Variants in MSH3 observed in about 807,000 individuals in gnomAD.
MSH3 encodes mutS homolog 3, also known as DNA mismatch repair protein Msh3.
Under a neutral mutation model 123.3 loss-of-function variants are expected in MSH3, and 106 were observed. The observed-to-expected ratio is 0.86, with a 90% CI of 0.73 to 1.01. The LOEUF (loss-of-function observed/expected upper bound fraction) is 1.01, where lower values mean the gene tolerates loss of function less well. Among genes scored for constraint, MSH3 ranks in the 50% least tolerant of loss-of-function variants. MSH3 has a pLI of 0.00. For synonymous variants in MSH3, 515 were observed against 481.4 expected, an observed-to-expected ratio of 1.07 and a Z score of -0.91; for missense variants, 1,459 against 1,347.6, an observed-to-expected ratio of 1.08 and a Z score of -1.29.
At chr5:80,770,082 G>T (rs1744191125) in intron 15 of MSH3, among the ~76,000 whole-genome samples, 1 of 152,026 alleles carries the variant, frequency 6.6e-6, no homozygotes, top group African/African-American at 2.4e-5. Context: ...TATGTTTATT[G>T]TCTGAACAGA....
chr5:80,716,987 A>G (rs1313237564), intron 8 of MSH3, among the ~76,000 whole-genome samples: 1 of 152,082 alleles, frequency 6.6e-6, no homozygotes, highest in African/African-American at 2.4e-5. Flanking sequence ...GGCTTATTTT[A>G]CCTAACATAA....
chr5:80,746,208 A>G (rs1332569513), intron 12 of MSH3: 1 of 229,492 alleles, frequency 4.4e-6, no homozygotes, highest in East Asian at 1.4e-4. Context: ...CACTGAGGAC[A>G]ATATTCTGCT....
intron 8 of MSH3, among the ~76,000 whole-genome samples, chr5:80,701,258 T>G (rs1033643006): frequency 1.1e-4 from 17 of 152,154 alleles, no homozygotes; most frequent in African/African-American, 4.1e-4. Context: ...AAGGGAAAGA[T>G]TGAGTCCCAT....
chr5:80,760,843 T>C (rs1488955862), intron 12 of MSH3, among the ~76,000 whole-genome samples: 1 of 152,164 alleles, frequency 6.6e-6, no homozygotes, highest in Admixed American at 6.5e-5. Flanking sequence ...GAAGTTTTTA[T>C]GGGCCAGGGC....
Position 80,688,074 on chromosome 5 carries a change from T to C in MSH3, c.1340+8981T>C, listed in dbSNP as rs6151672. ...ATTTTTTACATTATTGACTCTGTTA[T>C]AGTTTACTGAAACTGTATGACATTC... On this transcript the variant is annotated intron_variant, in intron 8 of 23. Coordinates refer to ENST00000265081, the MANE Select transcript of MSH3 (RefSeq NM_002439.5). Among the ~76,000 whole-genome samples, 476 of 152,334 alleles carry C rather than the reference T, an allele frequency of 3.1e-3. 2 individuals carry two copies. Among genetic ancestry groups the C allele is most frequent in the Non-Finnish European group, 5.6e-3 (378 of 68,032 alleles).
rs1405024198 is a variant in MSH3 at position 80,654,971 on chromosome 5, T to G, written c.237+7T>G. The G allele has an allele frequency of 3.4e-6, 5 of 1,454,276 alleles. No individual in the cohort carries two copies. In the Admixed American group the frequency reaches 8.2e-5, roughly 24 times the overall value. The allele number at this position is 1,454,276 out of a possible 1,614,324, so 90.1% of individuals were successfully genotyped here. A position where few individuals can be genotyped will look rare whatever the true frequency, so the allele number is the denominator to read the frequency against. On this transcript the variant is annotated splice_region_variant and intron_variant, in intron 1 of 23. Coordinates refer to ENST00000265081, the MANE Select transcript of MSH3 (RefSeq NM_002439.5). ...CCAGCTGCCGCCGCACATAGTAGGT[T>G]CTGTCTGGGACTGGGCAGGGCCATC...
At position 80,766,634 on chromosome 5, in the gene MSH3, C is replaced by T. The variant is rs183136298; in HGVS notation, c.1897-1299C>T. Among the ~76,000 whole-genome samples, 18 of 152,110 alleles carry T rather than the reference C, an allele frequency of 1.2e-4. No homozygotes were observed. The East Asian group carries it at 2.9e-3, about 24-fold the overall frequency. On this transcript the variant is annotated intron_variant, in intron 13 of 23. Coordinates refer to ENST00000265081, the MANE Select transcript of MSH3 (RefSeq NM_002439.5). ...CTGGGATTACAGGCGTGAGTCACTG[C>T]GTCTGGCTGGTTTTATGCCGTTTTA...
intron 8 of MSH3, among the ~76,000 whole-genome samples, chr5:80,695,336 A>G (rs1322812428): frequency 6.8e-6 from 1 of 148,042 alleles, no homozygotes; most frequent in South Asian, 2.1e-4. Flanking sequence ...ATTTTTGTTC[A>G]TTTTTTCTTT....
intron 20 of MSH3, among the ~76,000 whole-genome samples, chr5:80,819,960 A>G (rs1745176982): frequency 6.6e-6 from 1 of 152,222 alleles, no homozygotes; most frequent in South Asian, 2.1e-4. Context: ...AAGTGCAGTA[A>G]GGGAGATGGA....
intron 8 of MSH3, among the ~76,000 whole-genome samples, chr5:80,721,179 T>C (rs559459538): frequency 6.6e-6 from 1 of 152,370 alleles, no homozygotes; most frequent in South Asian, 2.1e-4. Flanking sequence ...TTCATTTTGC[T>C]GCATATTGTC....
At chr5:80,667,570 G>A (rs991332764) in intron 3 of MSH3, among the ~76,000 whole-genome samples, 1 of 152,216 alleles carries the variant, frequency 6.6e-6, no homozygotes, top group African/African-American at 2.4e-5. Context: ...AGCCAGGAGT[G>A]GAGTGGTGAG....
chr5:80,869,551 A>T (rs1746167530), intron 22 of MSH3, among the ~76,000 whole-genome samples: 1 of 152,002 alleles, frequency 6.6e-6, no homozygotes, highest in South Asian at 2.1e-4. Context: ...CCCCCAGGCG[A>T]TTATAGAAGA....
At position 80,792,743 on chromosome 5, in the gene MSH3, C is replaced by T; in HGVS notation, c.2554C>T (p.Gln852Ter). ...KQGDYCRPTVQEERKIVIKNG... is the reference protein window; with the variant it reads ...KQGDYCRPTV ...ATTTCTTTTTTGCAGACCAACTGTA[C>T]AAGAAGAAAGAAAAATTGTAATAAA... The change falls in exon 19 of 24, where the codon CAA becomes TAA. Residue 852 changes from glutamine to a stop codon, truncating the protein, a stop_gained. Transcript: ENST00000265081. LOFTEE classifies it high-confidence loss of function. The T allele has an allele frequency of 6.2e-7, 1 of 1,607,526 alleles. No homozygotes were observed.
intron 8 of MSH3, among the ~76,000 whole-genome samples, chr5:80,693,720 C>T (rs1048611126): frequency 1.3e-5 from 2 of 152,002 alleles, no homozygotes; most frequent in Non-Finnish European, 2.9e-5. Context: ...TGCAGTAGCA[C>T]AATCTTGGCC....
At chr5:80,668,853 T>C (rs951660265) in intron 3 of MSH3, among the ~76,000 whole-genome samples, 3 of 152,180 alleles carry the variant, frequency 2.0e-5, no homozygotes, top group Non-Finnish European at 2.9e-5. Context: ...GCCACAGCTG[T>C]GCCCAGGGAG....
intron 12 of MSH3, among the ~76,000 whole-genome samples, chr5:80,760,412 A>AC (rs1287264036): frequency 6.6e-6 from 1 of 152,172 alleles, no homozygotes; most frequent in African/African-American, 2.4e-5. Context: ...TTGAGTCATC[A>AC]CTTAAGGTGT....
At chr5:80,757,380 C>T (rs1209538737) in intron 12 of MSH3, among the ~76,000 whole-genome samples, 1 of 152,094 alleles carries the variant, frequency 6.6e-6, no homozygotes, top group Non-Finnish European at 1.5e-5. Context: ...GGCATTTTCA[C>T]AGTAGCAACC....
rs575849917 is a variant in MSH3 at position 80,659,813 on chromosome 5, G to A, written c.358+3282G>A. ...TAACCCCCTTCCCCCAGCCCCTGGC[G>A]CCTACCATTCAGCTTTCTGTCTCTA... On this transcript the variant is annotated intron_variant, in intron 2 of 23. Coordinates refer to ENST00000265081, the MANE Select transcript of MSH3 (RefSeq NM_002439.5). 2.2e-4 allele frequency among the ~76,000 whole-genome samples: 33 copies of A among 152,098 alleles called. No individual in the cohort carries two copies. In the East Asian group the frequency reaches 2.9e-3, roughly 13 times the overall value.
intron 19 of MSH3, among the ~76,000 whole-genome samples, chr5:80,808,392 G>A (rs1027405659): frequency 2.0e-4 from 30 of 152,212 alleles, no homozygotes; most frequent in Admixed American, 1.6e-3. Flanking sequence ...TTGACCTAAG[G>A]AAAGGCTTCT....
Sources: gnomAD v4.1 joint callset for allele counts (sites outside exome capture counted in the v4.1 genomes callset) on GRCh38, gnomAD v4.1.1 for gene constraint, MANE v1.5 for transcripts, NCBI Gene and HGNC (gene_info 2026-07-23, HGNC 2026-07-21) for gene names.